The following YEATS2 variants were observed in gnomAD, a reference collection of about 807,000 sequenced individuals.
YEATS2 encodes YEATS domain containing 2, also known as YEATS domain-containing protein 2.
In YEATS2, 77 loss-of-function variants were observed where a neutral mutation model predicts 163.2. The ratio of observed to expected loss-of-function variants is 0.47; its 90% confidence interval spans 0.39 to 0.57. The LOEUF is 0.57. Ranked by LOEUF, YEATS2 falls within the 20% of genes least tolerant of loss-of-function variation. The pLI is 0.00. For synonymous variants in YEATS2, 631 were observed against 645.1 expected, an observed-to-expected ratio of 0.98 and a Z score of 0.33; for missense variants, 1,549 against 1,729.8, an observed-to-expected ratio of 0.90 and a Z score of 1.85.
At chr3:183,712,128 T>C (rs1378727096) in intron 1 of YEATS2, among the ~76,000 whole-genome samples, 4 of 151,842 alleles carry the variant, frequency 2.6e-5, no homozygotes, top group Non-Finnish European at 5.9e-5. Context: ...TAAATTGTTA[T>C]TTTTGTTTTA....
At chr3:183,757,937 T>C (rs1720939236) in intron 12 of YEATS2, among the ~76,000 whole-genome samples, 1 of 152,214 alleles carries the variant, frequency 6.6e-6, no homozygotes, top group Non-Finnish European at 1.5e-5. Flanking sequence ...TAGAAGTCTT[T>C]GGAGGCAAGT....
chr3:183,784,777 TAAAA>T (rs35365965), intron 19 of YEATS2, among the ~76,000 whole-genome samples: 1 of 135,002 alleles, frequency 7.4e-6, no homozygotes, highest in Admixed American at 7.5e-5. Context: ...CTCTTGCCAT[TAAAA>T]AAAAAAAAAA....
chr3:183,746,235 G>A (rs879868325), intron 8 of YEATS2, among the ~76,000 whole-genome samples: 51 of 152,150 alleles, frequency 3.4e-4, no homozygotes, highest in African/African-American at 1.1e-3. Flanking sequence ...GCTAATTTTT[G>A]TAGAGACAGG....
chr3:183,732,709 G>A (rs1447426495), intron 7 of YEATS2, among the ~76,000 whole-genome samples: 3 of 151,640 alleles, frequency 2.0e-5, no homozygotes, highest in Admixed American at 6.6e-5. Context: ...ACAGGCGCCC[G>A]CCACCACTCC....
intron 30 of YEATS2, 120 bp downstream of exon 30, chr3:183,809,290 A>AGCCACT (rs1726553625): frequency 1.0e-6 from 1 of 997,690 alleles, no homozygotes; most frequent in Non-Finnish European, 1.6e-6. Flanking sequence ...AGTGCTTAGG[A>AGCCACT]CACTCTTAGA....
intron 6 of YEATS2, among the ~76,000 whole-genome samples, chr3:183,725,908 A>G (rs1717042859): frequency 6.6e-6 from 1 of 152,212 alleles, no homozygotes; most frequent in Non-Finnish European, 1.5e-5. Flanking sequence ...CTTCTTCAAA[A>G]TCTTACTTCA....
At chr3:183,801,624 T>C (rs1725672819) in intron 25 of YEATS2, 96 bp downstream of exon 25, 1 of 947,200 alleles carries the variant, frequency 1.1e-6, no homozygotes, top group East Asian at 2.8e-5. Flanking sequence ...TAAATTAATA[T>C]TGATATGGCG....
At chr3:183,715,570 A>G (rs539897319) in intron 2 of YEATS2, among the ~76,000 whole-genome samples, 1 of 152,330 alleles carries the variant, frequency 6.6e-6, no homozygotes, top group South Asian at 2.1e-4. Flanking sequence ...TAATCGTGAG[A>G]TGGTCATAGA....
rs35365965 is a variant in YEATS2 at position 183,784,777 on chromosome 3, T to TA, written c.2737-1333dup. 2.6e-3 allele frequency among the ~76,000 whole-genome samples: 350 copies of TA among 134,990 alleles called. 1 individual carries two copies. The highest frequency in any genetic ancestry group is 3.7e-3 in the Middle Eastern group (1 of 268). The allele number at this position is 134,990 out of a possible 152,430, so 88.6% of individuals were successfully genotyped here. A position where few individuals can be genotyped will look rare whatever the true frequency, so the allele number is the denominator to read the frequency against. On this transcript the variant is annotated intron_variant, in intron 19 of 30. Coordinates refer to ENST00000305135, the MANE Select transcript of YEATS2 (RefSeq NM_018023.5). ...AGCCAAAATTGCATACTCTTGCCATTAAAAAAAAAAAAAAAGCCGGGTGTG... is the reference window on the plus strand; with the variant it reads ...AGCCAAAATTGCATACTCTTGCCATTAAAAAAAAAAAAAAAAGCCGGGTGTG...
At chr3:183,756,792 C>G in intron 12 of YEATS2, 103 bp downstream of exon 12, 3 of 1,059,068 alleles carry the variant, frequency 2.8e-6, no homozygotes, top group Non-Finnish European at 3.7e-6. Flanking sequence ...AATGAAATCT[C>G]CCGTAAACGA....
chr3:183,774,833 T>C (rs182155631), intron 17 of YEATS2, among the ~76,000 whole-genome samples: 1 of 152,310 alleles, frequency 6.6e-6, no homozygotes, highest in African/African-American at 2.4e-5. Flanking sequence ...CTTGGTGTTT[T>C]TTCCTCATAC....
intron 1 of YEATS2, among the ~76,000 whole-genome samples, chr3:183,708,054 T>G (rs1166459370): frequency 6.6e-6 from 1 of 152,056 alleles, no homozygotes; most frequent in Non-Finnish European, 1.5e-5. Flanking sequence ...ATTCAAATGA[T>G]GTGAGGCACA....
At chr3:183,807,919 GTCC>G (rs1300880662) in intron 28 of YEATS2, 108 bp from the exon 29 acceptor site, 2 of 805,834 alleles carry the variant, frequency 2.5e-6, no homozygotes, top group Non-Finnish European at 4.0e-6. Flanking sequence ...TGTTTGCAGA[GTCC>G]TCCTTCCAAC....
Position 183,773,679 on chromosome 3 carries a change from A to G in YEATS2, c.2253A>G (p.Ala751=). ...CAGCCACTAATTTGGCCAACTTGGC[A>G]AATTTGCCTCCTGGCACTAAACTCT... ...QLPATNLANL[A]NLPPGTKLYL... Residue 751 remains alanine, a synonymous_variant, in exon 17 of 31, where the codon GCA becomes GCG. Coordinates refer to ENST00000305135, the MANE Select transcript of YEATS2 (RefSeq NM_018023.5). The G allele has an allele frequency of 6.2e-7, 1 of 1,611,956 alleles. No homozygotes were observed. The highest frequency in any genetic ancestry group is 8.5e-7 in the Non-Finnish European group (1 of 1,179,372).
chr3:183,761,089 T>G (rs1721299987), intron 13 of YEATS2, among the ~76,000 whole-genome samples: 1 of 152,144 alleles, frequency 6.6e-6, no homozygotes, highest in Non-Finnish European at 1.5e-5. Context: ...TTTTAGGTTT[T>G]TTTCTTTCTT....
chr3:183,780,562 G>T (rs1046845992), intron 19 of YEATS2, among the ~76,000 whole-genome samples: 22 of 152,094 alleles, frequency 1.4e-4, no homozygotes, highest in African/African-American at 3.9e-4. Flanking sequence ...GCCTTTTCTG[G>T]TTTTTTTGGA....
chr3:183,808,420 A>G (rs533057928), intron 29 of YEATS2, among the ~76,000 whole-genome samples: 2 of 152,260 alleles, frequency 1.3e-5, no homozygotes, highest in East Asian at 3.9e-4. Context: ...ACAACAGCAA[A>G]CAGCCCCAAC....
intron 15 of YEATS2, among the ~76,000 whole-genome samples, chr3:183,763,339 C>G (rs1453799663): frequency 6.6e-6 from 1 of 152,124 alleles, no homozygotes; most frequent in African/African-American, 2.4e-5. Flanking sequence ...ATTTGTGGAT[C>G]TCAACATATC....
At chr3:183,720,923 CTG>C (rs111495010) in intron 4 of YEATS2, among the ~76,000 whole-genome samples, 1 of 152,150 alleles carries the variant, frequency 6.6e-6, no homozygotes, top group Non-Finnish European at 1.5e-5. Flanking sequence ...TGTTTTCCCT[CTG>C]TGTGTGTCTT....
Sources: gnomAD v4.1 joint callset for allele counts (sites outside exome capture counted in the v4.1 genomes callset) on GRCh38, gnomAD v4.1.1 for gene constraint, MANE v1.5 for transcripts, NCBI Gene and HGNC (gene_info 2026-07-23, HGNC 2026-07-21) for gene names.